The following TBC1D5 variants were observed in gnomAD, a reference collection of about 807,000 sequenced individuals.
The protein encoded by TBC1D5 is TBC1 domain family member 5, also known as TBC1 domain family, member 5.
In TBC1D5, 75 loss-of-function variants were observed where a neutral mutation model predicts 100.3. The ratio of observed to expected loss-of-function variants is 0.75; its 90% CI spans 0.62 to 0.91. TBC1D5 has a LOEUF of 0.91. TBC1D5 is among the 40% of genes least tolerant of loss of function. The probability of loss-of-function intolerance (pLI) is 0.00; values close to 1 mark genes in which losing one functional copy is unlikely to be tolerated. For missense variants in TBC1D5, 910 were observed against 942.4 expected, an observed-to-expected ratio of 0.97 and a Z score of 0.45; for synonymous variants, 323 against 325.6, an observed-to-expected ratio of 0.99 and a Z score of 0.09.
exon 22 of TBC1D5, chr3:17,159,677 G>A (rs2065875321): frequency 1.3e-5 from 2 of 152,308 alleles, no homozygotes; most frequent in African/African-American, 4.8e-5. Context: ...CTAAGGTGCT[G>A]ACTGACAAGG....
intron 14 of TBC1D5, among the ~76,000 whole-genome samples, chr3:17,296,845 TA>T (rs1364380428): frequency 6.6e-6 from 1 of 152,220 alleles, no homozygotes; most frequent in Admixed American, 6.5e-5. Flanking sequence ...TGCAGAATAA[TA>T]TAAGACTTTT....
intron 3 of TBC1D5, among the ~76,000 whole-genome samples, chr3:17,463,930 G>A (rs1013611808): frequency 1.4e-5 from 2 of 143,594 alleles, no homozygotes; most frequent in African/African-American, 2.6e-5. Context: ...ATCAATACTA[G>A]CATTCCTTAT....
rs578061771 is a variant in TBC1D5 at position 17,540,095 on chromosome 3, G to A, written c.-35-31490C>T. On this transcript the variant is annotated intron_variant, in intron 2 of 21. Coordinates refer to ENST00000253692, the Ensembl canonical transcript of TBC1D5. The stretch of plus-strand genomic sequence containing the variant: ...GATTTGGATTTTCCTAAATATCAGT[G>A]ATGCTGAGCATCTTGTGGTGTACCA... 9.8e-5 allele frequency among the ~76,000 whole-genome samples: 15 copies of A among 152,314 alleles called. No individual in the cohort carries two copies. In the East Asian group the frequency reaches 1.9e-3, roughly 20 times the overall value.
At chr3:17,356,001 A>G (rs970956848) in intron 13 of TBC1D5, among the ~76,000 whole-genome samples, 1 of 152,176 alleles carries the variant, frequency 6.6e-6, no homozygotes, top group Non-Finnish European at 1.5e-5. Flanking sequence ...TGTTACAATG[A>G]CCATGCTTTA....
At chr3:17,738,473 T>C (rs1479767882) in intron 1 of TBC1D5, among the ~76,000 whole-genome samples, 3 of 152,222 alleles carry the variant, frequency 2.0e-5, no homozygotes, top group East Asian at 1.9e-4. Context: ...AGTGAGGCAC[T>C]GTGAGACTAA....
chr3:17,312,540 C>T (rs1326686043), intron 13 of TBC1D5, among the ~76,000 whole-genome samples: 1 of 152,012 alleles, frequency 6.6e-6, no homozygotes, highest in African/African-American at 2.4e-5. Flanking sequence ...TGGATTGAAC[C>T]CAGCTTGAAT....
intron 20 of TBC1D5, 27 bp from the exon 22 acceptor site, chr3:17,166,955 T>C: frequency 1.3e-6 from 2 of 1,571,780 alleles, no homozygotes; most frequent in Non-Finnish European, 1.7e-6. Flanking sequence ...AGAAAATAAA[T>C]GAAAAAAATG....
intron 4 of TBC1D5, among the ~76,000 whole-genome samples, chr3:17,427,500 A>T (rs1430187923): frequency 6.6e-6 from 1 of 151,978 alleles, no homozygotes; most frequent in Non-Finnish European, 1.5e-5. Flanking sequence ...ATACAAATAA[A>T]AATATAAACT....
At chr3:17,376,481 G>C in intron 10 of TBC1D5, 44 bp downstream of exon 10, 1 of 1,537,354 alleles carries the variant, frequency 6.5e-7, no homozygotes. Context: ...GGTTACCGTG[G>C]GGGCTAAAAA....
chr3:17,446,694 G>A (rs895956952), intron 3 of TBC1D5, among the ~76,000 whole-genome samples: 10 of 152,204 alleles, frequency 6.6e-5, no homozygotes, highest in African/African-American at 1.9e-4. Flanking sequence ...ACATTGGGCC[G>A]GGCGCGGTGG....
intron 1 of TBC1D5, among the ~76,000 whole-genome samples, chr3:17,688,913 T>C (rs1031492943): frequency 2.0e-5 from 3 of 152,350 alleles, no homozygotes; most frequent in African/African-American, 7.2e-5. Context: ...ACATAAATTA[T>C]ATCTTTCTTA....
intron 4 of TBC1D5, among the ~76,000 whole-genome samples, chr3:17,418,704 A>G (rs1211433141): frequency 6.6e-6 from 1 of 152,216 alleles, no homozygotes; most frequent in Non-Finnish European, 1.5e-5. Flanking sequence ...TGTCACCACA[A>G]TGAAATAGAT....
At chr3:17,544,225 C>T (rs942607368) in intron 2 of TBC1D5, among the ~76,000 whole-genome samples, 2 of 152,094 alleles carry the variant, frequency 1.3e-5, no homozygotes, top group African/African-American at 2.4e-5. Context: ...GAACCGGGGG[C>T]CACACTTTGA....
At chr3:17,287,137 C>G (rs1475771214) in intron 15 of TBC1D5, among the ~76,000 whole-genome samples, 1 of 152,022 alleles carries the variant, frequency 6.6e-6, no homozygotes, top group Non-Finnish European at 1.5e-5. Context: ...AAAAATAAAC[C>G]ACTGGCTGTG....
chr3:17,713,342 C>T (rs1171173285), intron 1 of TBC1D5, among the ~76,000 whole-genome samples: 6 of 151,370 alleles, frequency 4.0e-5, no homozygotes, highest in East Asian at 1.9e-4. Context: ...CCAGGGTTCA[C>T]GCCATTCTCC....
intron 1 of TBC1D5, among the ~76,000 whole-genome samples, chr3:17,670,645 T>C (rs995116557): frequency 1.3e-5 from 2 of 152,214 alleles, no homozygotes; most frequent in Non-Finnish European, 2.9e-5. Context: ...ATACTAATCA[T>C]CTCAGTTGAT....
chr3:17,565,843 G>A (rs1364837182), intron 2 of TBC1D5, among the ~76,000 whole-genome samples: 1 of 151,976 alleles, frequency 6.6e-6, no homozygotes, highest in African/African-American at 2.4e-5. Context: ...TTCAAACTTT[G>A]AAGCTAAGGT....
intron 2 of TBC1D5, among the ~76,000 whole-genome samples, chr3:17,582,739 T>C (rs776215812): frequency 2.2e-5 from 3 of 139,328 alleles, no homozygotes; most frequent in Non-Finnish European, 4.7e-5. Context: ...ACAAAAAGAA[T>C]GGCAATTTAA....
intron 15 of TBC1D5, among the ~76,000 whole-genome samples, chr3:17,271,407 C>T (rs1011381412): frequency 1.3e-5 from 2 of 152,070 alleles, no homozygotes; most frequent in Non-Finnish European, 2.9e-5. Context: ...TCGTTCTCAG[C>T]TTACATTGGT....
Sources: gnomAD v4.1 joint callset for allele counts (sites outside exome capture counted in the v4.1 genomes callset) on GRCh38, gnomAD v4.1.1 for gene constraint, MANE v1.5 for transcripts, NCBI Gene and HGNC (gene_info 2026-07-23, HGNC 2026-07-21) for gene names.